LPGAT1: variants seen among roughly 807,000 people sequenced by gnomAD.
LPGAT1 encodes acyl-CoA:lysophosphatidylglycerol acyltransferase 1.
Under a neutral mutation model 47.5 loss-of-function variants are expected in LPGAT1, and 11 were observed. The observed-to-expected ratio is 0.23, with a 90% CI of 0.15 to 0.38. The LOEUF (loss-of-function observed/expected upper bound fraction) is 0.38. LPGAT1 is among the 10% of genes least tolerant of loss of function. LPGAT1 has a pLI of 1.00. For synonymous variants in LPGAT1, 138 were observed against 144.2 expected (o/e 0.96, Z 0.31); for missense variants, 293 against 439.0 (o/e 0.67, Z 2.97).
chr1:211,756,347 C>T (rs552089392), intron 6 of LPGAT1, among the ~76,000 whole-genome samples: 3 of 151,656 alleles, frequency 2.0e-5, no homozygotes, highest in African/African-American at 7.2e-5. Flanking sequence ...TAAAGAATGT[C>T]TTTTTTTTTG....
Position 211,746,067 on chromosome 1 carries a change from A to T in LPGAT1, c.*3832T>A, listed in dbSNP as rs1301793579. 6.6e-6 allele frequency: 1 copy of T among 152,654 alleles called. No individual in the cohort carries two copies. Among genetic ancestry groups the T allele is most frequent in the African/African-American group, 2.4e-5 (1 of 41,456 alleles). 9.5% of individuals were successfully genotyped at this position (152,654 alleles called of 1,614,324 possible). On this transcript the variant is annotated 3_prime_UTR_variant, in exon 8 of 8. Transcript: ENST00000366997. The stretch of plus-strand genomic sequence containing the variant: ...ATAAAACATTTTCTTTTCAAATATA[A>T]AAATAATCCAAGAAGACTATCCATG...
At chr1:211,784,804 CT>C (rs11393776) in intron 4 of LPGAT1, among the ~76,000 whole-genome samples, 131 of 133,276 alleles carry the variant, frequency 9.8e-4, no homozygotes, top group Non-Finnish European at 1.2e-3. Context: ...AAGGTTCTTT[CT>C]TTTTTTTTTT....
Position 211,745,903 on chromosome 1 carries a change from C to T in LPGAT1, c.*3996G>A, listed in dbSNP as rs1656923450. 6.6e-6 allele frequency: 1 copy of T among 152,602 alleles called. No homozygotes were observed. The highest frequency in any genetic ancestry group is 2.4e-5 in the African/African-American group (1 of 41,434). The allele number at this position is 152,602 out of a possible 1,614,324, so 9.5% of individuals were successfully genotyped here. ...CTCATAGCACTGCAGAGCAAAAAAA[C>T]ATAACAAACCATTTTTATCCATCCT... On this transcript the variant is annotated 3_prime_UTR_variant, in exon 8 of 8. Transcript: ENST00000366997.
chr1:211,827,659 C>G (rs1660578985), intron 2 of LPGAT1, among the ~76,000 whole-genome samples: 1 of 152,194 alleles, frequency 6.6e-6, no homozygotes, highest in East Asian at 1.9e-4. Context: ...AGCCAAGCAA[C>G]TCTAAGACAG....
intron 6 of LPGAT1, among the ~76,000 whole-genome samples, chr1:211,759,111 A>G (rs1156684421): frequency 6.6e-6 from 1 of 152,198 alleles, no homozygotes; most frequent in African/African-American, 2.4e-5. Flanking sequence ...ATCTATAACC[A>G]TGTAAGAGGT....
chr1:211,786,016 G>A (rs893636449), intron 4 of LPGAT1, among the ~76,000 whole-genome samples: 5 of 152,008 alleles, frequency 3.3e-5, no homozygotes, highest in Non-Finnish European at 4.4e-5. Flanking sequence ...CTAGCTTTTC[G>A]GATCCCTGAG....
intron 6 of LPGAT1, among the ~76,000 whole-genome samples, chr1:211,777,334 T>G (rs1241593526): frequency 6.6e-6 from 1 of 152,192 alleles, no homozygotes; most frequent in Non-Finnish European, 1.5e-5. Flanking sequence ...ACCTCTCCTC[T>G]AATATTGGTT....
rs980309322 is a variant in LPGAT1 at position 211,830,614 on chromosome 1, G to C, written c.-69C>G. The C allele has an allele frequency of 4.1e-6, 5 of 1,207,738 alleles. 1 individual carries two copies. The highest frequency in any genetic ancestry group is 5.1e-6 in the Non-Finnish European group (5 of 972,506). The allele number at this position is 1,207,738 out of a possible 1,614,324, so 74.8% of individuals were successfully genotyped here. The stretch of plus-strand genomic sequence containing the variant: ...CCCAGCCGGGGCTTTGGGAGTCAGA[G>C]GAGCCGGAAGAATGCATGGCCGGCG... On this transcript the variant is annotated 5_prime_UTR_variant, in exon 1 of 8. Coordinates refer to ENST00000366997, the MANE Select transcript of LPGAT1 (RefSeq NM_014873.3). The surrounding 1 kb of genome is among the most constrained non-coding windows in gnomAD (Gnocchi z 5.9).
chr1:211,787,489 C>CAAAA (rs374026763), intron 4 of LPGAT1, 143 bp downstream of exon 4: 9 of 190,608 alleles, frequency 4.7e-5, no homozygotes, highest in African/African-American at 1.6e-4. Flanking sequence ...CTCTGTCTCT[C>CAAAA]AAAAAAAAAA....
At chr1:211,758,792 T>G (rs1314910275) in intron 6 of LPGAT1, among the ~76,000 whole-genome samples, 1 of 152,238 alleles carries the variant, frequency 6.6e-6, no homozygotes, top group Non-Finnish European at 1.5e-5. Context: ...GGGATAAATA[T>G]TCAACCAATT....
chr1:211,804,735 C>T (rs9651110), intron 2 of LPGAT1, among the ~76,000 whole-genome samples: 41,685 of 152,084 alleles, frequency 0.27, 6,474 homozygotes, highest in East Asian at 0.71. Flanking sequence ...TGGGTCCTGG[C>T]TATTGATTAC....
intron 6 of LPGAT1, among the ~76,000 whole-genome samples, chr1:211,772,158 G>A (rs1339169476): frequency 6.6e-6 from 1 of 152,116 alleles, no homozygotes; most frequent in Non-Finnish European, 1.5e-5. Context: ...CTCCCATATT[G>A]TGAATCAACA....
At position 211,783,319 on chromosome 1, in the gene LPGAT1, G is replaced by A; in HGVS notation, c.637C>T (p.Pro213Ser). 1 of 1,614,112 alleles carries A rather than the reference G, an allele frequency of 6.2e-7. No homozygotes were observed. ...NLPFLTNVTL[P>S]RSGATKIILN... is the part of the protein sequence containing the mutation. ...ATAATTTTTGTTGCCCCAGACCTTG[G>A]CAGAGTAACATTTGTAAGAAATGGC... Residue 213 changes from proline (P) to serine (S), a missense_variant, in exon 5 of 8, where the codon CCA becomes TCA. Coordinates refer to ENST00000366997, the MANE Select transcript of LPGAT1 (RefSeq NM_014873.3).
At chr1:211,751,716 G>GA (rs954697288) in intron 6 of LPGAT1, among the ~76,000 whole-genome samples, 1 of 152,148 alleles carries the variant, frequency 6.6e-6, no homozygotes, top group African/African-American at 2.4e-5. Flanking sequence ...TGCTGACCTT[G>GA]AAAAATAGTT....
At position 211,772,912 on chromosome 1, in the gene LPGAT1, C is replaced by A. The variant is rs924736139; in HGVS notation, c.854+6006G>T. ...GGAAAGACCAAAATGATATATTAAT[C>A]AAAAATACATACAGGTTTAGGCATA... On this transcript the variant is annotated intron_variant, in intron 6 of 7. Coordinates refer to ENST00000366997, the MANE Select transcript of LPGAT1 (RefSeq NM_014873.3). Among the ~76,000 whole-genome samples, 14 of 152,178 alleles carry A rather than the reference C, an allele frequency of 9.2e-5. No individual in the cohort carries two copies. The East Asian group carries it at 2.5e-3, about 27-fold the overall frequency.
chr1:211,784,823 A>T (rs1340059863), intron 4 of LPGAT1, among the ~76,000 whole-genome samples: 52 of 112,596 alleles, frequency 4.6e-4, no homozygotes, highest in Non-Finnish European at 7.4e-4. Context: ...TTTTTTTTTG[A>T]GACAGAGTCT....
intron 6 of LPGAT1, among the ~76,000 whole-genome samples, chr1:211,778,341 CA>C (rs551509650): frequency 0.094 from 3,093 of 33,008 alleles, 85 homozygotes; most frequent in South Asian, 0.24. Flanking sequence ...GACTCTGTCT[CA>C]AAAAAAAAAA....
intron 6 of LPGAT1, among the ~76,000 whole-genome samples, chr1:211,770,889 G>A (rs1366077423): frequency 6.6e-6 from 1 of 152,054 alleles, no homozygotes; most frequent in Non-Finnish European, 1.5e-5. Context: ...TTGACCCCAG[G>A]AGTTCAAGAT....
chr1:211,801,997 A>G (rs1156328660), intron 2 of LPGAT1, among the ~76,000 whole-genome samples: 1 of 151,634 alleles, frequency 6.6e-6, no homozygotes, highest in Admixed American at 6.6e-5. Context: ...CTAAGGCAGA[A>G]GGATTGCTTG....
Sources: gnomAD v4.1 joint callset for allele counts (sites outside exome capture counted in the v4.1 genomes callset) on GRCh38, gnomAD v4.1.1 for gene constraint, Gnocchi (gnomAD v3.1) non-coding constraint, MANE v1.5 for transcripts, NCBI Gene and HGNC (gene_info 2026-07-23, HGNC 2026-07-21) for gene names.